The following PTPRN2 variants were observed in gnomAD, a reference collection of about 807,000 sequenced individuals.
PTPRN2 encodes the protein protein tyrosine phosphatase receptor type N2.
PTPRN2 carries 74 observed loss-of-function variants against 118.8 expected under a neutral mutation model. The ratio of observed to expected loss-of-function variants is 0.62; its 90% CI spans 0.52 to 0.76. The LOEUF (loss-of-function observed/expected upper bound fraction) is 0.76. Among genes scored for constraint, PTPRN2 ranks in the 30% least tolerant of loss-of-function variants. PTPRN2 has a pLI of 0.00. For missense variants in PTPRN2, 1,481 were observed against 1,394.4 expected, an observed-to-expected ratio of 1.06 and a Z score of -0.99; for synonymous variants, 641 against 608.0, an observed-to-expected ratio of 1.05 and a Z score of -0.80.
intron 11 of PTPRN2, among the ~76,000 whole-genome samples, chr7:157,984,731 C>T (rs115421975): frequency 0.014 from 2,085 of 152,290 alleles, 45 homozygotes; most frequent in African/African-American, 0.047. Context: ...CAGCTCTCCC[C>T]ACATGCAGCT....
intron 2 of PTPRN2, among the ~76,000 whole-genome samples, chr7:158,464,650 A>G (rs1423064300): frequency 6.6e-6 from 1 of 150,668 alleles, no homozygotes; most frequent in Non-Finnish European, 1.5e-5. Context: ...CGTCACCATC[A>G]TCATCCTTAC....
chr7:158,061,470 A>G (rs949281578), intron 11 of PTPRN2, among the ~76,000 whole-genome samples: 1 of 152,058 alleles, frequency 6.6e-6, no homozygotes, highest in Non-Finnish European at 1.5e-5. Context: ...AGAGAAATGG[A>G]CCGTGCCGCC....
Position 158,563,688 on chromosome 7 carries a change from C to T in PTPRN2, c.112+23870G>A, listed in dbSNP as rs1827516005. Among the ~76,000 whole-genome samples the T allele has an allele frequency of 6.6e-6, 1 of 152,214 alleles. No individual in the cohort carries two copies. The highest frequency in any genetic ancestry group is 2.4e-5 in the African/African-American group (1 of 41,454). ...AGAGACTCACAGGCATGTGGCGTGG[C>T]AGTACATGAGCACTGATGTGTGAGG... On this transcript the variant is annotated intron_variant, in intron 1 of 22. Coordinates refer to ENST00000389418, the MANE Select transcript of PTPRN2 (RefSeq NM_002847.5). This position sits in a 1 kb window ranked among gnomAD's most constrained non-coding sequence, Gnocchi z 5.1.
At chr7:158,163,351 G>A (rs899113282) in intron 6 of PTPRN2, among the ~76,000 whole-genome samples, 5 of 144,314 alleles carry the variant, frequency 3.5e-5, no homozygotes, top group Middle Eastern at 3.8e-3. Context: ...CATAGGTGAC[G>A]CCTGTACGGG....
intron 2 of PTPRN2, among the ~76,000 whole-genome samples, chr7:158,417,514 A>G (rs1292543962): frequency 1.4e-5 from 2 of 146,980 alleles, no homozygotes; most frequent in Admixed American, 1.3e-4. Context: ...CCACTGTGTT[A>G]AGTCATGGTG....
At position 158,565,455 on chromosome 7, in the gene PTPRN2, C is replaced by G. The variant is rs1378971521; in HGVS notation, c.112+22103G>C. 6.6e-6 allele frequency among the ~76,000 whole-genome samples: 1 copy of G among 152,166 alleles called. No individual in the cohort carries two copies. Among genetic ancestry groups the G allele is most frequent in the African/African-American group, 2.4e-5 (1 of 41,432 alleles). Reference sequence around the variant, plus strand: ...GTGCCACAGGCCATCTGGACACCACCTCTGCTGAGCACAAAGGTGGACGTG... The same window carrying G: ...GTGCCACAGGCCATCTGGACACCACGTCTGCTGAGCACAAAGGTGGACGTG... On this transcript the variant is annotated intron_variant, in intron 1 of 22. Coordinates refer to ENST00000389418, the MANE Select transcript of PTPRN2 (RefSeq NM_002847.5). This position sits in a 1 kb window ranked among gnomAD's most constrained non-coding sequence, Gnocchi z 4.6.
intron 12 of PTPRN2, among the ~76,000 whole-genome samples, chr7:157,705,003 G>C (rs1489204357): frequency 6.6e-6 from 1 of 152,168 alleles, no homozygotes; most frequent in Non-Finnish European, 1.5e-5. Flanking sequence ...CCTGTGAGGT[G>C]AGCACCATTA....
intron 3 of PTPRN2, among the ~76,000 whole-genome samples, chr7:158,234,929 A>AT (rs1829430635): frequency 6.6e-6 from 1 of 151,890 alleles, no homozygotes; most frequent in Non-Finnish European, 1.5e-5. Flanking sequence ...CACCCGGCTA[A>AT]TTTTTTGTAT....
At chr7:158,520,472 C>G (rs1283200352) in intron 1 of PTPRN2, among the ~76,000 whole-genome samples, 1 of 152,194 alleles carries the variant, frequency 6.6e-6, no homozygotes, top group Non-Finnish European at 1.5e-5. Context: ...CTAGACGAGT[C>G]TTTCCTGGAT....
intron 2 of PTPRN2, among the ~76,000 whole-genome samples, chr7:158,432,703 G>A (rs1445073326): frequency 1.3e-5 from 2 of 152,194 alleles, no homozygotes; most frequent in African/African-American, 4.8e-5. Context: ...ACAGCTTGGT[G>A]CTGCCTGAAG....
chr7:158,221,641 A>G (rs1239145526), intron 3 of PTPRN2, among the ~76,000 whole-genome samples: 3 of 152,170 alleles, frequency 2.0e-5, no homozygotes, highest in Non-Finnish European at 2.9e-5. Flanking sequence ...ATGAATGCCA[A>G]GCGGAAAGGG....
intron 9 of PTPRN2, among the ~76,000 whole-genome samples, chr7:158,132,541 C>G (rs1304674156): frequency 7.3e-6 from 1 of 137,666 alleles, no homozygotes; most frequent in Non-Finnish European, 1.6e-5. Context: ...CTCATATACA[C>G]ACACATGCAT....
rs1460098658 is a variant in PTPRN2 at position 157,793,105 on chromosome 7, GC to G, written c.1788+105567del. 2.6e-5 allele frequency among the ~76,000 whole-genome samples: 4 copies of G among 152,038 alleles called. No individual in the cohort carries two copies. The East Asian group carries it at 7.8e-4, about 29-fold the overall frequency. ...CTGTGCCCGGGGAGAGGAAGGGGGC[GC>G]AGCTGCATCTGCAGCTGCGGTTGTG... On this transcript the variant is annotated intron_variant, in intron 12 of 22. Coordinates refer to ENST00000389418, the MANE Select transcript of PTPRN2 (RefSeq NM_002847.5).
chr7:158,157,531 G>A (rs980845176), intron 6 of PTPRN2, among the ~76,000 whole-genome samples: 3 of 152,186 alleles, frequency 2.0e-5, no homozygotes, highest in Non-Finnish European at 4.4e-5. Context: ...TGCAGAAGTC[G>A]GGGAGCCTCC....
chr7:158,085,047 A>ACCCATCCACACCCATGACG (rs1452248824), intron 10 of PTPRN2, among the ~76,000 whole-genome samples: 17 of 86,530 alleles, frequency 2.0e-4, no homozygotes, highest in African/African-American at 8.2e-4. Context: ...CACCCACGAC[A>ACCCATCCACACCCATGACG]CCCATCCACA....
In PTPRN2 at chr7:157,779,340, G is replaced by T. The variant is rs181107940; in HGVS notation, c.1789-96403C>A. 1.3e-5 allele frequency among the ~76,000 whole-genome samples: 2 copies of T among 152,204 alleles called. No individual in the cohort carries two copies. The highest frequency in any genetic ancestry group is 2.9e-5 in the Non-Finnish European group (2 of 68,034). On this transcript the variant is annotated intron_variant, in intron 12 of 22. Transcript: ENST00000389418. The surrounding 1 kb of genome is among the most constrained non-coding windows in gnomAD (Gnocchi z 4.7). ...TTGGTGACCTGAGGTGAAAGGTCAC[G>T]TGCTGGTCGCTTGTGCTGAGCAAGG...
intron 5 of PTPRN2, among the ~76,000 whole-genome samples, chr7:158,169,647 A>T (rs185181475): frequency 1.3e-5 from 2 of 151,534 alleles, no homozygotes; most frequent in Admixed American, 1.3e-4. Context: ...ACCCCTAAAG[A>T]CTCAATTTTC....
chr7:157,557,134 C>CACACTCATATATACTCACATGCAT, intron 21 of PTPRN2, among the ~76,000 whole-genome samples: 1 of 151,440 alleles, frequency 6.6e-6, no homozygotes, highest in East Asian at 1.9e-4. Flanking sequence ...CATGCACACC[C>CACACTCATATATACTCACATGCAT]ACACTCATAT....
At chr7:158,198,273 C>T (rs1033589171) in intron 4 of PTPRN2, among the ~76,000 whole-genome samples, 11 of 152,142 alleles carry the variant, frequency 7.2e-5, no homozygotes, top group East Asian at 1.9e-4. Context: ...ATCATTATGC[C>T]GCGTGGTGTT....
Sources: allele counts gnomAD v4.1 joint callset (sites outside exome capture counted in the v4.1 genomes callset), GRCh38; gene constraint gnomAD v4.1.1; non-coding constraint Gnocchi (gnomAD v3.1); transcripts MANE v1.5; gene names NCBI Gene and HGNC (gene_info 2026-07-23, HGNC 2026-07-21).